The following CDK5RAP2 variants were observed in gnomAD, a reference collection of about 807,000 sequenced individuals.
CDK5RAP2 encodes the protein CDK5 regulatory subunit associated protein 2, also known as CDK5 regulatory subunit-associated protein 2.
A neutral mutation model predicts 232.9 loss-of-function variants in CDK5RAP2; 147 were observed. The ratio of observed to expected loss-of-function variants is 0.63; its 90% CI spans 0.55 to 0.72. The LOEUF (loss-of-function observed/expected upper bound fraction) is 0.72. Among genes scored for constraint, CDK5RAP2 ranks in the 30% least tolerant of loss-of-function variants. The pLI, the probability that CDK5RAP2 is intolerant of heterozygous loss-of-function variation, is 0.00. For synonymous variants in CDK5RAP2, 833 were observed against 833.7 expected (o/e 1.00, Z 0.01); for missense variants, 2,195 against 2,231.5 (o/e 0.98, Z 0.33).
chr9:120,525,820 G>C (rs536311956), intron 10 of CDK5RAP2, among the ~76,000 whole-genome samples: 40 of 152,158 alleles, frequency 2.6e-4, no homozygotes, highest in African/African-American at 8.2e-4. Context: ...CTCTCACCTT[G>C]TTGCCCAGGC....
intron 10 of CDK5RAP2, 76 bp from the exon 11 acceptor site, chr9:120,525,154 C>T: frequency 3.7e-6 from 4 of 1,094,890 alleles, no homozygotes; most frequent in Non-Finnish European, 5.6e-6. Context: ...GCTTTTCCTG[C>T]TCAATTGTGT....
intron 7 of CDK5RAP2, among the ~76,000 whole-genome samples, chr9:120,530,799 T>G (rs951636686): frequency 7.2e-6 from 1 of 139,164 alleles, no homozygotes; most frequent in Admixed American, 7.9e-5. Flanking sequence ...TAGGTGGGAA[T>G]TGAACAATGA....
chr9:120,527,965 T>A (rs1182851202), intron 9 of CDK5RAP2, 40 bp from the exon 10 acceptor site: 1 of 1,611,702 alleles, frequency 6.2e-7, no homozygotes, highest in African/African-American at 1.3e-5. Context: ...GTTGATGCGT[T>A]CCAACCAAAA....
At chr9:120,445,600 G>C (rs569410299) in intron 22 of CDK5RAP2, among the ~76,000 whole-genome samples, 1 of 152,256 alleles carries the variant, frequency 6.6e-6, no homozygotes, top group Non-Finnish European at 1.5e-5. Context: ...CTCAGTCCTT[G>C]TCTTACCAGA....
chr9:120,514,212 C>G (rs1458264513), intron 12 of CDK5RAP2, among the ~76,000 whole-genome samples: 1 of 152,180 alleles, frequency 6.6e-6, no homozygotes, highest in African/African-American at 2.4e-5. Context: ...TGCCAGGAAG[C>G]CTGAGTCACT....
rs761345598 is a variant in CDK5RAP2, at chr9:120,529,903, G to A, written c.825+75C>T. ...AGGCTGTGTGTGAACCATGAGGACC[G>A]AATGCGCATTCCATCTCCCACAGAG... On this transcript the variant is annotated intron_variant, in intron 8 of 37. Coordinates refer to ENST00000349780, the MANE Select transcript of CDK5RAP2 (RefSeq NM_018249.6). 4.6e-4 allele frequency: 638 copies of A among 1,393,928 alleles called. 1 individual carries two copies. Among genetic ancestry groups the A allele is most frequent in the Non-Finnish European group, 6.1e-4 (599 of 984,244 alleles). The allele number at this position is 1,393,928 out of a possible 1,614,324, so 86.3% of individuals were successfully genotyped here. A position where few individuals can be genotyped will look rare whatever the true frequency, so the allele number is the denominator to read the frequency against.
At chr9:120,479,126 G>A (rs1191974659) in intron 14 of CDK5RAP2, among the ~76,000 whole-genome samples, 1 of 151,850 alleles carries the variant, frequency 6.6e-6, no homozygotes, top group Non-Finnish European at 1.5e-5. Context: ...AATGAGTAAT[G>A]GTTTATAACC....
intron 12 of CDK5RAP2, among the ~76,000 whole-genome samples, chr9:120,504,307 G>A (rs781684292): frequency 1.3e-5 from 2 of 152,128 alleles, no homozygotes; most frequent in Non-Finnish European, 2.9e-5. Context: ...GACTAGGCCT[G>A]GCTACATCTG....
At chr9:120,477,300 T>C (rs1415478066) in intron 15 of CDK5RAP2, 50 bp downstream of exon 15, 1 of 1,273,280 alleles carries the variant, frequency 7.9e-7, no homozygotes, top group South Asian at 1.2e-5. Context: ...TGCGCGTGCA[T>C]GTGTGTGTGT....
chr9:120,556,159 A>G (rs2042220689), intron 3 of CDK5RAP2, among the ~76,000 whole-genome samples: 2 of 152,222 alleles, frequency 1.3e-5, no homozygotes, highest in Non-Finnish European at 2.9e-5. Context: ...AAAAACTATA[A>G]CCACACATAC....
intron 10 of CDK5RAP2, among the ~76,000 whole-genome samples, chr9:120,527,346 A>G (rs535051463): frequency 2.0e-5 from 3 of 152,292 alleles, no homozygotes; most frequent in East Asian, 1.9e-4. Flanking sequence ...GCATTGTCCA[A>G]TGCGGCAGTC....
chr9:120,567,037 G>C (rs552729703), intron 3 of CDK5RAP2, among the ~76,000 whole-genome samples: 267 of 152,264 alleles, frequency 1.8e-3, no homozygotes, highest in Non-Finnish European at 3.0e-3. Flanking sequence ...AAAGAGCTTA[G>C]CACTTAAAGT....
chr9:120,527,667 C>G (rs996921961), intron 10 of CDK5RAP2, 139 bp downstream of exon 10: 3 of 897,440 alleles, frequency 3.3e-6, no homozygotes, highest in East Asian at 2.6e-5. Flanking sequence ...TTCCGGTTGA[C>G]TAGAGGATCA....
chr9:120,502,643 A>ATGTAGTTTTGTCATTCCCCAAGATT (rs890041673), intron 12 of CDK5RAP2, among the ~76,000 whole-genome samples: 4 of 152,232 alleles, frequency 2.6e-5, no homozygotes, highest in Non-Finnish European at 5.9e-5. Context: ...CACAAAGGAC[A>ATGTAGTTTTGTCATTCCCCAAGATT]TGTAGTTTTG....
intron 18 of CDK5RAP2, among the ~76,000 whole-genome samples, chr9:120,461,658 G>C (rs1333406420): frequency 6.6e-6 from 1 of 152,160 alleles, no homozygotes; most frequent in African/African-American, 2.4e-5. Context: ...CAGGGCAACA[G>C]AGTGAGACAC....
chr9:120,524,861 C>G (rs2040829412), intron 11 of CDK5RAP2, 125 bp downstream of exon 11: 3 of 710,134 alleles, frequency 4.2e-6, no homozygotes. Context: ...CTAGCAAATT[C>G]TATCACTGAA....
chr9:120,460,865 G>A (rs2037049893), intron 18 of CDK5RAP2, 198 bp from the exon 19 acceptor site: 1 of 789,280 alleles, frequency 1.3e-6, no homozygotes, highest in Non-Finnish European at 2.0e-6. Context: ...ATCAGACACA[G>A]CTGCCTGGAT....
rs2035967232 is a variant in CDK5RAP2 at position 120,442,688 on chromosome 9, G to C, written c.3148+932C>G. Among the ~76,000 whole-genome samples, 3 of 152,172 alleles carry C rather than the reference G, an allele frequency of 2.0e-5. No individual in the cohort carries two copies. The South Asian group carries it at 6.2e-4, about 32-fold the overall frequency. On this transcript the variant is annotated intron_variant, in intron 23 of 37. Transcript: ENST00000349780. ...TATTTGCATTATAAGAAATACTATA[G>C]TTCTACAACTTTCCACAATTCAGCT...
intron 3 of CDK5RAP2, among the ~76,000 whole-genome samples, chr9:120,558,935 T>C (rs1382873313): frequency 6.6e-6 from 1 of 152,262 alleles, no homozygotes; most frequent in Non-Finnish European, 1.5e-5. Context: ...CTTTCATGGC[T>C]GTTTCCTCCA....
Sources: allele counts gnomAD v4.1 joint callset (sites outside exome capture counted in the v4.1 genomes callset), GRCh38; gene constraint gnomAD v4.1.1; transcripts MANE v1.5; gene names NCBI Gene and HGNC (gene_info 2026-07-23, HGNC 2026-07-21).